Variants in LNX2 observed in about 807,000 individuals in gnomAD.
The protein encoded by LNX2 is ligand of numb-protein X 2, also known as ligand of Numb protein X 2.
LNX2 carries 35 observed loss-of-function variants against 66.2 expected under a neutral mutation model. That is an observed-to-expected ratio of 0.53 (90% CI 0.40 to 0.70). The LOEUF is 0.70. LNX2 is among the 30% of genes least tolerant of loss of function. LNX2 has a pLI of 0.00. For missense variants in LNX2, 791 were observed against 850.8 expected (o/e 0.93, Z 0.87); for synonymous variants, 337 against 315.6 (o/e 1.07, Z -0.72).
chr13:27,593,734 TTGTG>T (rs373386821), intron 1 of LNX2, among the ~76,000 whole-genome samples: 11,669 of 143,794 alleles, frequency 0.081, 541 homozygotes, highest in Middle Eastern at 0.11. Flanking sequence ...CGCCTGGTTT[TTGTG>T]TGTGTGTGTG....
At chr13:27,585,294 C>T (rs941807756) in intron 1 of LNX2, among the ~76,000 whole-genome samples, 3 of 151,432 alleles carry the variant, frequency 2.0e-5, no homozygotes, top group Non-Finnish European at 2.9e-5. Flanking sequence ...TGGTGGCGGG[C>T]GCCTGTAGTC....
intron 1 of LNX2, among the ~76,000 whole-genome samples, chr13:27,608,961 T>A (rs1214256057): frequency 6.6e-6 from 1 of 152,030 alleles, no homozygotes; most frequent in Non-Finnish European, 1.5e-5. Context: ...TGTACCACCA[T>A]GCCCAGCTAA....
chr13:27,598,207 A>AAG (rs969991817), intron 1 of LNX2, among the ~76,000 whole-genome samples: 8 of 151,098 alleles, frequency 5.3e-5, no homozygotes, highest in African/African-American at 1.9e-4. Flanking sequence ...CACTGTTTAA[A>AAG]AAAAAAAAAA....
intron 1 of LNX2, among the ~76,000 whole-genome samples, chr13:27,583,214 G>GCGCGCGCGTCCTCTCCAATATAACTT (rs1277840971): frequency 5.9e-5 from 1 of 16,934 alleles, no homozygotes; most frequent in Non-Finnish European, 1.0e-4. Context: ...GTGTGTGTGT[G>GCGCGCGCGTCCTCTCCAATATAACTT]TGTGTGTGTG....
chr13:27,569,426 C>T (rs1216676599), intron 2 of LNX2, 150 bp from the exon 3 acceptor site: 3 of 744,360 alleles, frequency 4.0e-6, no homozygotes, highest in Non-Finnish European at 6.5e-6. Context: ...AATCTCCACT[C>T]ACACTAAGTT....
intron 7 of LNX2, 117 bp from the exon 8 acceptor site, chr13:27,553,556 TATA>T: frequency 1.5e-6 from 1 of 649,476 alleles, no homozygotes; most frequent in Admixed American, 2.8e-5. Flanking sequence ...TGAGATAAGG[TATA>T]ATAATAAATG....
At chr13:27,548,747 A>G (rs1006524197) in intron 9 of LNX2, among the ~76,000 whole-genome samples, 3 of 152,224 alleles carry the variant, frequency 2.0e-5, no homozygotes, top group Non-Finnish European at 4.4e-5. Flanking sequence ...AATATAGAGT[A>G]AATATGCTCT....
chr13:27,613,191 T>G (rs112661473), intron 1 of LNX2, among the ~76,000 whole-genome samples: 1 of 152,064 alleles, frequency 6.6e-6, no homozygotes, highest in Admixed American at 6.5e-5. Context: ...AAGGTGCCAG[T>G]GGGAAGCATA....
Position 27,583,210 on chromosome 13 carries a change from G to GCGCGCGCGCGCGCGCGCGTCC in LNX2, c.-100-1408_-100-1407insGGACGCGCGCGCGCGCGCGCG, listed in dbSNP as rs1254840221. ...TGTGTGTGTGTGTGTGTGTGTGTGT[G>GCGCGCGCGCGCGCGCGCGTCC]TGTGTGTGTGTGTGTGTGTGTGTGT... On this transcript the variant is annotated intron_variant, in intron 1 of 9. Transcript: ENST00000316334. 1.4e-4 allele frequency among the ~76,000 whole-genome samples: 3 copies of GCGCGCGCGCGCGCGCGCGTCC among 22,084 alleles called. 1 individual carries two copies. Among genetic ancestry groups the GCGCGCGCGCGCGCGCGCGTCC allele is most frequent in the Non-Finnish European group, 2.7e-4 (3 of 11,062 alleles). 14.5% of individuals were successfully genotyped at this position (22,084 alleles called of 152,430 possible).
At chr13:27,586,599 G>A (rs565813092) in intron 1 of LNX2, among the ~76,000 whole-genome samples, 1 of 152,288 alleles carries the variant, frequency 6.6e-6, no homozygotes, top group South Asian at 2.1e-4. Flanking sequence ...AGCAAGTTTA[G>A]GTGAACAAAA....
At position 27,559,955 on chromosome 13, in the gene LNX2, C is replaced by A; in HGVS notation, c.1255G>T (p.Ala419Ser). Residue 419 changes from alanine (A) to serine (S), a missense_variant, in exon 6 of 10, where the codon GCT (alanine) becomes TCT (serine). Ala to Ser is a moderately conservative substitution (Grantham distance 99). Coordinates refer to ENST00000316334, the MANE Select transcript of LNX2 (RefSeq NM_153371.4). ...CCAGGCTGGGGTTTCCCTGGTCTAGCAATTGTTAAATTCACTCTCTCTCCA... is the reference window on the plus strand; with the variant it reads ...CCAGGCTGGGGTTTCCCTGGTCTAGAAATTGTTAAATTCACTCTCTCTCCA... The part of the protein sequence containing the change: ...ASGERVNLTI[A>S]RPGKPQPGNT... 6.2e-7 allele frequency: 1 copy of A among 1,608,728 alleles called. No individual in the cohort carries two copies. The highest frequency in any genetic ancestry group is 8.5e-7 in the Non-Finnish European group (1 of 1,177,278).
At chr13:27,602,366 G>A (rs1337661162) in intron 1 of LNX2, among the ~76,000 whole-genome samples, 2 of 152,054 alleles carry the variant, frequency 1.3e-5, no homozygotes, top group Non-Finnish European at 2.9e-5. Flanking sequence ...GCCCTTCCCA[G>A]CCAATCTCAA....
At chr13:27,549,335 G>C (rs919313308) in intron 9 of LNX2, among the ~76,000 whole-genome samples, 1 of 152,034 alleles carries the variant, frequency 6.6e-6, no homozygotes, top group Non-Finnish European at 1.5e-5. Context: ...TTCTTCCTTC[G>C]TAAACCAGGT....
chr13:27,596,354 A>T (rs530975611), intron 1 of LNX2, among the ~76,000 whole-genome samples: 1 of 152,346 alleles, frequency 6.6e-6, no homozygotes, highest in Non-Finnish European at 1.5e-5. Flanking sequence ...TTCACAATTG[A>T]GTGAGATGTA....
Position 27,550,399 on chromosome 13 carries a change from G to A in LNX2, c.1871C>T (p.Thr624Ile). ...SIVGGYEENH[T>I]NQPFFIKTIV... ...AGTTTTAATGAAAAAAGGCTGATTG[G>A]TGTGGTTCTCTTCATATCCACCAAC... The change falls in exon 9 of 10, where the codon ACC (threonine) becomes ATC (isoleucine). Residue 624 changes from threonine (T) to isoleucine (I), a missense_variant. By Grantham distance (89) the Thr-to-Ile change is moderately conservative (BLOSUM62 -1). Transcript: ENST00000316334. 6.2e-7 allele frequency: 1 copy of A among 1,613,728 alleles called. No homozygotes were observed. The highest frequency in any genetic ancestry group is 8.5e-7 in the Non-Finnish European group (1 of 1,179,676).
Position 27,585,988 on chromosome 13 carries a change from G to GTA in LNX2, c.-100-4187_-100-4186dup, listed in dbSNP as rs1471574648. ...CAAAGGGTCAATATAAAGAATAAGT[G>GTA]TATATATATACACTTATATATATAT... On this transcript the variant is annotated intron_variant, in intron 1 of 9. Transcript: ENST00000316334. 8.1e-4 allele frequency among the ~76,000 whole-genome samples: 84 copies of GTA among 103,650 alleles called. 2 individuals carry two copies. Among genetic ancestry groups the GTA allele is most frequent in the South Asian group, 2.5e-3 (9 of 3,666 alleles). The allele number at this position is 103,650 out of a possible 152,430, so 68.0% of individuals were successfully genotyped here.
At position 27,568,275 on chromosome 13, in the gene LNX2, G is replaced by A. The variant is rs1443625616; in HGVS notation, c.656-436C>T. Reference sequence around the variant, plus strand: ...TCGTAAGAAGAGGTGGGTCTTGAACGGAGACGTAGGAAATGAAGAAGGCGC... The same window carrying A: ...TCGTAAGAAGAGGTGGGTCTTGAACAGAGACGTAGGAAATGAAGAAGGCGC... On this transcript the variant is annotated intron_variant, in intron 3 of 9. Transcript: ENST00000316334. Among the ~76,000 whole-genome samples, 12 of 152,198 alleles carry A rather than the reference G, an allele frequency of 7.9e-5. No homozygotes were observed. The East Asian group carries it at 1.3e-3, about 17-fold the overall frequency.
intron 1 of LNX2, among the ~76,000 whole-genome samples, chr13:27,611,806 C>T (rs146923117): frequency 6.6e-6 from 1 of 152,270 alleles, no homozygotes; most frequent in Non-Finnish European, 1.5e-5. Flanking sequence ...ATTTTGAACA[C>T]ACTGCTTTAA....
intron 1 of LNX2, among the ~76,000 whole-genome samples, chr13:27,593,858 A>G (rs572528959): frequency 1.3e-5 from 2 of 150,874 alleles, no homozygotes; most frequent in Admixed American, 1.3e-4. Context: ...TGCCTCCCAA[A>G]GTGCTGGGAT....
Sources: gnomAD v4.1 joint callset for allele counts (sites outside exome capture counted in the v4.1 genomes callset) on GRCh38, gnomAD v4.1.1 for gene constraint, MANE v1.5 for transcripts, NCBI Gene and HGNC (gene_info 2026-07-23, HGNC 2026-07-21) for gene names.